Variants in CHD7 observed in about 807,000 individuals in gnomAD.
CHD7 encodes ATP-dependent chromatin remodeler CHD7.
CHD7 carries 24 observed loss-of-function variants against 307.3 expected under a neutral mutation model. The ratio of observed to expected loss-of-function variants is 0.08; its 90% CI spans 0.06 to 0.11. The LOEUF is 0.11. Ranked by LOEUF, CHD7 falls within the 10% of genes least tolerant of loss-of-function variation. The pLI, the probability that CHD7 is intolerant of heterozygous loss-of-function variation, is 1.00. For synonymous variants in CHD7, 1,363 were observed against 1,349.9 expected (o/e 1.01, Z -0.21); for missense variants, 3,106 against 3,727.1 (o/e 0.83, Z 4.34).
intron 32 of CHD7, among the ~76,000 whole-genome samples, chr8:60,855,536 T>C (rs1805661267): frequency 6.6e-6 from 1 of 152,208 alleles, no homozygotes; most frequent in Non-Finnish European, 1.5e-5. Context: ...TCCTACTTCC[T>C]GGGACTGCAA....
chr8:60,791,574 G>T (rs1392538168), intron 3 of CHD7, among the ~76,000 whole-genome samples: 1 of 152,164 alleles, frequency 6.6e-6, no homozygotes, highest in Non-Finnish European at 1.5e-5. Flanking sequence ...TGTGTTTTGA[G>T]TTTGACATTA....
chr8:60,725,162 G>C (rs1808103894), intron 1 of CHD7, among the ~76,000 whole-genome samples: 1 of 152,236 alleles, frequency 6.6e-6, no homozygotes, highest in African/African-American at 2.4e-5. Context: ...AGGGCTCCCA[G>C]CTAGCAGCTT....
At position 60,852,484 on chromosome 8, in the gene CHD7, A is replaced by G. The variant is rs779382691; in HGVS notation, c.5895-14A>G. On this transcript the variant is annotated splice_polypyrimidine_tract_variant and intron_variant, in intron 29 of 37. Transcript: ENST00000423902. ...CCTGAAGTATGATGCAAGCTAATAT[A>G]ATCTTTCTAACAGGTGGACAAGAAG... The G allele has an allele frequency of 1.2e-6, 2 of 1,606,372 alleles. No individual in the cohort carries two copies. Among genetic ancestry groups the G allele is most frequent in the Non-Finnish European group, 8.5e-7 (1 of 1,173,888 alleles).
Position 60,849,127 on chromosome 8 carries a change from T to G in CHD7, c.5377T>G (p.Ser1793Ala). Reference sequence around the variant, plus strand: ...TTGGTGGGATAAGGAAGCAGACAAATCCCTCTTAATTGGAGTGTTCAAACA... The same window carrying G: ...TTGGTGGGATAAGGAAGCAGACAAAGCCCTCTTAATTGGAGTGTTCAAACA... ...ADWWDKEADK[S>A]LLIGVFKHGY... Residue 1793 changes from serine (S) to alanine (A), a missense_variant, in exon 25 of 38, where the codon TCC becomes GCC. Coordinates refer to ENST00000423902, the MANE Select transcript of CHD7 (RefSeq NM_017780.4). 6.2e-7 allele frequency: 1 copy of G among 1,613,238 alleles called. No individual in the cohort carries two copies. The highest frequency in any genetic ancestry group is 8.5e-7 in the Non-Finnish European group (1 of 1,179,256).
At chr8:60,765,063 A>C (rs1810399998) in intron 2 of CHD7, among the ~76,000 whole-genome samples, 2 of 152,218 alleles carry the variant, frequency 1.3e-5, no homozygotes, top group African/African-American at 4.8e-5. Context: ...CAGAGAGCAC[A>C]TGAGCAGCTG....
intron 21 of CHD7, 31 bp from the exon 22 acceptor site, chr8:60,844,833 C>A: frequency 1.3e-6 from 2 of 1,519,248 alleles, no homozygotes; most frequent in South Asian, 1.3e-5. Context: ...AACTCACAGG[C>A]ACCTCTGCAT....
At chr8:60,691,122 C>T (rs907211343) in intron 1 of CHD7, among the ~76,000 whole-genome samples, 5 of 152,124 alleles carry the variant, frequency 3.3e-5, no homozygotes, top group Non-Finnish European at 4.4e-5. Flanking sequence ...GATGGGGTTT[C>T]GCCATGTTGG....
intron 14 of CHD7, 123 bp from the exon 15 acceptor site, chr8:60,830,199 C>T: frequency 2.0e-6 from 2 of 1,002,820 alleles, no homozygotes; most frequent in Non-Finnish European, 2.9e-6. Flanking sequence ...CATACTCTCA[C>T]TGGGCTTTGA....
intron 32 of CHD7, chr8:60,854,955 T>C (rs1456901034): frequency 6.5e-6 from 1 of 152,768 alleles, no homozygotes. Flanking sequence ...TTGACCCATT[T>C]GCTTTTGACG....
chr8:60,729,301 G>T (rs948627039), intron 1 of CHD7, among the ~76,000 whole-genome samples: 2 of 152,160 alleles, frequency 1.3e-5, no homozygotes, highest in African/African-American at 4.8e-5. Context: ...GAGATATGTG[G>T]TCTGTCAGAA....
chr8:60,809,274 G>A (rs964501875), intron 7 of CHD7, among the ~76,000 whole-genome samples: 2 of 152,188 alleles, frequency 1.3e-5, no homozygotes, highest in African/African-American at 4.8e-5. Flanking sequence ...ATGAAATACA[G>A]TCTGACAATT....
intron 1 of CHD7, chr8:60,679,669 C>A (rs1465950510): frequency 6.8e-6 from 1 of 146,782 alleles, no homozygotes; most frequent in East Asian, 2.0e-4. Context: ...CCTCCCGCCC[C>A]CGCCCCCCGC....
At position 60,856,563 on chromosome 8, in the gene CHD7, G is replaced by T. The variant is rs563360548; in HGVS notation, c.7283G>T (p.Arg2428Leu). The stretch of plus-strand genomic sequence containing the variant: ...CTCATGGAGATGGTTGCCCAGCTTC[G>T]AGAGTCTCAGGTGGTCTCAGAAAAT... ...RNLMEMVAQL[R>L]ESQVVSENGQ... Residue 2428 changes from arginine (R) to leucine (L), a missense_variant, in exon 34 of 38, where the codon CGA becomes CTA. Arg to Leu is a moderately radical substitution (Grantham distance 102, BLOSUM62 -2). Around this residue, in one of 10 missense-constraint regions of CHD7, gnomAD observed 1,030 missense variants for 1,165.4 expected, o/e 0.88. Transcript: ENST00000423902. 6.2e-7 allele frequency: 1 copy of T among 1,613,992 alleles called. No homozygotes were observed. Among genetic ancestry groups the T allele is most frequent in the South Asian group, 1.1e-5 (1 of 91,076 alleles).
chr8:60,754,574 C>A (rs1052596605), intron 2 of CHD7, among the ~76,000 whole-genome samples: 1 of 152,162 alleles, frequency 6.6e-6, no homozygotes, highest in Admixed American at 6.5e-5. Flanking sequence ...AATCAACTTA[C>A]TAGATTCTCC....
Position 60,830,707 on chromosome 8 carries a change from C to G in CHD7, c.3778+130C>G. 4 of 994,048 alleles carry G rather than the reference C, an allele frequency of 4.0e-6. No individual in the cohort carries two copies. In the South Asian group the frequency reaches 6.9e-5, roughly 17 times the overall value. The allele number at this position is 994,048 out of a possible 1,614,324, so 61.6% of individuals were successfully genotyped here. On this transcript the variant is annotated intron_variant, in intron 15 of 37. Transcript: ENST00000423902. ...TCCTGTCCACTCAGCATGGGTTTCA[C>G]CAGCTTCCCACTTTCTGTGATGCCT...
At chr8:60,718,018 G>C (rs755712737) in intron 1 of CHD7, among the ~76,000 whole-genome samples, 4 of 152,064 alleles carry the variant, frequency 2.6e-5, no homozygotes, top group African/African-American at 4.8e-5. Context: ...GGATATTCCA[G>C]AAGGCATTGT....
chr8:60,848,496 C>G lies in CHD7; in HGVS notation c.5211-19C>G, dbSNP rs371367716. 15 of 1,594,880 alleles carry G rather than the reference C, an allele frequency of 9.4e-6. No individual in the cohort carries two copies. Among genetic ancestry groups the G allele is most frequent in the East Asian group, 9.0e-5 (4 of 44,624 alleles). ...TCCTGAAGTTAAGAACTTTTTCCCC[C>G]CTCTGTCTTCCTCTCCAGGGTCCTG... On this transcript the variant is annotated intron_variant, in intron 23 of 37. Transcript: ENST00000423902.
chr8:60,760,129 C>G (rs1188861235), intron 2 of CHD7, among the ~76,000 whole-genome samples: 1 of 152,160 alleles, frequency 6.6e-6, no homozygotes, highest in African/African-American at 2.4e-5. Flanking sequence ...CTTTGGAAAT[C>G]TGAAATATAC....
At chr8:60,766,469 T>C (rs940570973) in intron 2 of CHD7, among the ~76,000 whole-genome samples, 6 of 152,200 alleles carry the variant, frequency 3.9e-5, no homozygotes, top group Admixed American at 3.9e-4. Flanking sequence ...TTGCTCAGAC[T>C]GTGTAGCAGA....
Sources: allele counts gnomAD v4.1 joint callset (sites outside exome capture counted in the v4.1 genomes callset), GRCh38; gene constraint gnomAD v4.1.1; regional missense constraint gnomAD v4.1.1; transcripts MANE v1.5; gene names NCBI Gene and HGNC (gene_info 2026-07-23, HGNC 2026-07-21).